Variants in RBM28 observed in about 807,000 individuals in gnomAD.
RBM28 encodes RNA binding motif protein 28.
A neutral mutation model predicts 98.3 loss-of-function variants in RBM28; 78 were observed. The ratio of observed to expected loss-of-function variants is 0.79; its 90% CI spans 0.66 to 0.96. RBM28 has a LOEUF of 0.96. Ranked by LOEUF, RBM28 falls within the 40% of genes least tolerant of loss-of-function variation. The probability of loss-of-function intolerance (pLI) is 0.00; values close to 1 mark genes in which losing one functional copy is unlikely to be tolerated. For missense variants in RBM28, 838 were observed against 913.0 expected, an observed-to-expected ratio of 0.92 and a Z score of 1.06; for synonymous variants, 306 against 330.9, an observed-to-expected ratio of 0.92 and a Z score of 0.82.
At chr7:128,329,394 C>T (rs1796424095) in intron 10 of RBM28, among the ~76,000 whole-genome samples, 1 of 152,162 alleles carries the variant, frequency 6.6e-6, no homozygotes, top group African/African-American at 2.4e-5. Context: ...CCACCGCTCC[C>T]GGCCAGGTCT....
chr7:128,311,313 C>T (rs6980001), intron 18 of RBM28, among the ~76,000 whole-genome samples: 2 of 152,098 alleles, frequency 1.3e-5, no homozygotes, highest in Non-Finnish European at 2.9e-5. Context: ...GATCTCTATA[C>T]TATAGTACGG....
chr7:128,315,919 T>G (rs555330175), intron 16 of RBM28, among the ~76,000 whole-genome samples: 106 of 152,170 alleles, frequency 7.0e-4, no homozygotes, highest in Non-Finnish European at 1.3e-3. Flanking sequence ...ACATCAGGAA[T>G]GGAATAAATG....
rs563231962 is a variant in RBM28, at chr7:128,318,257, G to A, written c.1564-151C>T. On this transcript the variant is annotated intron_variant, in intron 14 of 18. Coordinates refer to ENST00000223073, the MANE Select transcript of RBM28 (RefSeq NM_018077.3). ...CCTAGCACCTTGGGAGGCCGAGACA[G>A]GAGGATTGCTTGAGGCCAGGAGTTT... The A allele has an allele frequency of 3.6e-6, 3 of 829,548 alleles. No homozygotes were observed. The East Asian group carries it at 8.0e-5, about 22-fold the overall frequency. The allele number at this position is 829,548 out of a possible 1,614,324, so 51.4% of individuals were successfully genotyped here. A position where few individuals can be genotyped will look rare whatever the true frequency, so the allele number is the denominator to read the frequency against.
chr7:128,322,190 C>T (rs1328434797), intron 13 of RBM28, among the ~76,000 whole-genome samples: 2 of 152,146 alleles, frequency 1.3e-5, no homozygotes, highest in Non-Finnish European at 2.9e-5. Flanking sequence ...GGAAGTTATT[C>T]AAAGAATACT....
At position 128,338,771 on chromosome 7, in the gene RBM28, CA is replaced by C. The variant is rs1444242546; in HGVS notation, c.402del (p.Phe134LeufsTer10). 1 of 1,611,774 alleles carries C rather than the reference CA, an allele frequency of 6.2e-7. No homozygotes were observed. The highest frequency in any genetic ancestry group is 1.7e-5 in the Admixed American group (1 of 60,012). On this transcript the variant is annotated frameshift_variant, in exon 4 of 19. Transcript: ENST00000223073. LOFTEE classifies it high-confidence loss of function. ...ACTTCCAGGACAGCTCCAAATTGAG[CA>C]AATACTGTCTTCAAGTCATCTTCTG... ...KCSEDDLKTV[F>X]AQFGAVLEVN...
intron 10 of RBM28, among the ~76,000 whole-genome samples, chr7:128,328,041 C>T (rs1796392694): frequency 6.6e-6 from 1 of 152,128 alleles, no homozygotes; most frequent in Non-Finnish European, 1.5e-5. Flanking sequence ...CATCTAGAAG[C>T]TTCTGTGTCC....
chr7:128,325,789 T>C (rs930333507), intron 11 of RBM28, 29 bp downstream of exon 11: 1 of 1,567,220 alleles, frequency 6.4e-7, no homozygotes, highest in Non-Finnish European at 8.8e-7. Context: ...GCCTCCTGTG[T>C]TATAAGGTAA....
intron 13 of RBM28, among the ~76,000 whole-genome samples, chr7:128,322,747 G>A (rs995547168): frequency 1.3e-5 from 2 of 152,012 alleles, no homozygotes; most frequent in African/African-American, 4.8e-5. Context: ...TCCAGTTAAG[G>A]ATGGGTCTCC....
chr7:128,323,648 A>C, intron 12 of RBM28, 57 bp from the exon 13 acceptor site: 1 of 1,584,786 alleles, frequency 6.3e-7, no homozygotes, highest in East Asian at 2.2e-5. Flanking sequence ...ACTGAGCAAC[A>C]AGAGGAATGT....
intron 4 of RBM28, 23 bp downstream of exon 4, chr7:128,338,703 A>G (rs751879795): frequency 1.1e-5 from 16 of 1,514,758 alleles, no homozygotes; most frequent in Non-Finnish European, 1.5e-5. Context: ...CGTAATCCAC[A>G]CCAAGTGAAG....
rs1796077764 is a variant in RBM28, at chr7:128,315,023, G to A, written c.1789-3C>T. ...GCAGGCTTGGATCTCATTTTTTGCTGCATAAAACAAGAAAATGCCATCTGG... is the reference window on the plus strand; with the variant it reads ...GCAGGCTTGGATCTCATTTTTTGCTACATAAAACAAGAAAATGCCATCTGG... On this transcript the variant is annotated splice_region_variant and splice_polypyrimidine_tract_variant and intron_variant, in intron 16 of 18. Transcript: ENST00000223073. The A allele has an allele frequency of 6.2e-7, 1 of 1,614,146 alleles. No individual in the cohort carries two copies. Among genetic ancestry groups the A allele is most frequent in the Non-Finnish European group, 8.5e-7 (1 of 1,180,020 alleles).
At chr7:128,335,250 T>C (rs1044235371) in intron 8 of RBM28, among the ~76,000 whole-genome samples, 9 of 152,136 alleles carry the variant, frequency 5.9e-5, no homozygotes, top group Non-Finnish European at 1.3e-4. Context: ...AGTTGGACAA[T>C]CCAGAGAGAG....
At chr7:128,331,011 G>C in intron 9 of RBM28, 83 bp from the exon 10 acceptor site, 2 of 911,978 alleles carry the variant, frequency 2.2e-6, no homozygotes, top group South Asian at 2.7e-5. Context: ...AAGTGAGTTA[G>C]ATATCAACTC....
At position 128,301,505 on chromosome 7, in the gene RBM28, A is replaced by T. The variant is rs1795781733; in HGVS notation, c.*9292T>A. Reference sequence around the variant, plus strand: ...AGGCTCTCCGCTTCTTGCCCTCAGGACTTGGAGTCTCTTGGAAGGAGCCTC... The same window carrying T: ...AGGCTCTCCGCTTCTTGCCCTCAGGTCTTGGAGTCTCTTGGAAGGAGCCTC... On this transcript the variant is annotated 3_prime_UTR_variant, in exon 19 of 19. Coordinates refer to ENST00000223073, the MANE Select transcript of RBM28 (RefSeq NM_018077.3). 6.6e-6 allele frequency: 1 copy of T among 152,472 alleles called. No homozygotes were observed. The highest frequency in any genetic ancestry group is 2.1e-4 in the South Asian group (1 of 4,838). The allele number at this position is 152,472 out of a possible 1,614,324, so 9.4% of individuals were successfully genotyped here.
intron 8 of RBM28, among the ~76,000 whole-genome samples, chr7:128,335,293 T>C (rs554293460): frequency 6.6e-6 from 1 of 152,156 alleles, no homozygotes; most frequent in Non-Finnish European, 1.5e-5. Context: ...GGTTTTCAAT[T>C]CCCTAAGAAT....
rs939349319 is a variant in RBM28 at position 128,303,687 on chromosome 7, A to G, written c.*7110T>C. 1.1e-4 allele frequency: 16 copies of G among 152,110 alleles called. No homozygotes were observed. Among genetic ancestry groups the G allele is most frequent in the Admixed American group, 5.2e-4 (8 of 15,266 alleles). The allele number at this position is 152,110 out of a possible 1,614,324, so 9.4% of individuals were successfully genotyped here. Reference sequence around the variant, plus strand: ...TCCCTGTTGGTATAGTGGTTAGGGGAAAAAAAATTAAAAGAAAATGAACAA... The same window carrying G: ...TCCCTGTTGGTATAGTGGTTAGGGGGAAAAAAATTAAAAGAAAATGAACAA... On this transcript the variant is annotated 3_prime_UTR_variant, in exon 19 of 19. Transcript: ENST00000223073.
intron 8 of RBM28, among the ~76,000 whole-genome samples, chr7:128,334,664 G>T (rs1161922023): frequency 6.6e-6 from 1 of 152,184 alleles, no homozygotes; most frequent in East Asian, 1.9e-4. Flanking sequence ...TCTCAATAAA[G>T]GTAGCAATAA....
intron 9 of RBM28, among the ~76,000 whole-genome samples, chr7:128,332,686 T>C (rs1796507518): frequency 6.6e-6 from 1 of 152,014 alleles, no homozygotes; most frequent in African/African-American, 2.4e-5. Context: ...GAAGATAAAA[T>C]ATATAACTCT....
chr7:128,338,471 A>G (rs1452213240), intron 4 of RBM28, 129 bp from the exon 5 acceptor site: 17 of 808,042 alleles, frequency 2.1e-5, no homozygotes, highest in Admixed American at 1.6e-4. Context: ...CCCTTCCCCA[A>G]AGCAATTGCT....
Sources: allele counts gnomAD v4.1 joint callset (sites outside exome capture counted in the v4.1 genomes callset), GRCh38; gene constraint gnomAD v4.1.1; transcripts MANE v1.5; gene names NCBI Gene and HGNC (gene_info 2026-07-23, HGNC 2026-07-21).